Variants in GNA12 observed in about 807,000 individuals in gnomAD.
The protein encoded by GNA12 is guanine nucleotide-binding protein subunit alpha-12.
Under a neutral mutation model 26.0 loss-of-function variants are expected in GNA12, and 9 were observed. The ratio of observed to expected loss-of-function variants is 0.35; its 90% CI spans 0.21 to 0.60. The LOEUF (loss-of-function observed/expected upper bound fraction) is 0.60, where lower values mean the gene tolerates loss of function less well. GNA12 is among the 20% of genes least tolerant of loss of function. The probability of loss-of-function intolerance (pLI) is 0.78; values close to 1 mark genes in which losing one functional copy is unlikely to be tolerated. For missense variants in GNA12, 405 were observed against 525.8 expected, an observed-to-expected ratio of 0.77 and a Z score of 2.25; for synonymous variants, 264 against 219.6, an observed-to-expected ratio of 1.20 and a Z score of -1.79.
chr7:2,844,092 T>A lies in GNA12; in HGVS notation c.70A>T (p.Arg24Trp). 1 of 1,011,212 alleles carries A rather than the reference T, an allele frequency of 9.9e-7. No individual in the cohort carries two copies. Among genetic ancestry groups the A allele is most frequent in the African/African-American group, 1.8e-5 (1 of 56,620 alleles). The allele number at this position is 1,011,212 out of a possible 1,614,324, so 62.6% of individuals were successfully genotyped here. The stretch of plus-strand genomic sequence containing the variant: ...GCGTCGCGCGCGCCGCTGCCCGCCC[T>A]GCGCTCGCGGGCCCCGCCGGCCTCG... ...PAEAGGARERRAGSGARDAER... is the reference protein window; with the variant it reads ...PAEAGGARERWAGSGARDAER... Residue 24 changes from arginine to tryptophan, a missense_variant, in exon 1 of 4, where the codon AGG becomes TGG. Coordinates refer to ENST00000275364, the MANE Select transcript of GNA12 (RefSeq NM_007353.3).
intron 2 of GNA12, among the ~76,000 whole-genome samples, chr7:2,758,299 G>A (rs1239991115): frequency 2.0e-5 from 3 of 152,162 alleles, no homozygotes; most frequent in Admixed American, 2.0e-4. Context: ...ACAAGGCTCT[G>A]CAAACACTTA....
chr7:2,777,929 G>C lies in GNA12; in HGVS notation c.525+16999C>G, dbSNP rs144790361. Among the ~76,000 whole-genome samples, 1,059 of 152,316 alleles carry C rather than the reference G, an allele frequency of 7.0e-3. 35 individuals carry two copies. Among genetic ancestry groups the C allele is most frequent in the Admixed American group, 0.058 (895 of 15,302 alleles). On this transcript the variant is annotated intron_variant, in intron 2 of 3. Transcript: ENST00000275364. ...TTTAAAAAGATCAACTAAAACTTGT[G>C]AGGTGTCCCTGGTGATCCCAGCAAA...
At chr7:2,775,306 T>A (rs1038388247) in intron 2 of GNA12, 7 of 152,196 alleles carry the variant, frequency 4.6e-5, no homozygotes, top group African/African-American at 1.7e-4. Flanking sequence ...TAGGGTTAGA[T>A]ACGGTCATAT....
intron 2 of GNA12, among the ~76,000 whole-genome samples, chr7:2,794,529 C>T (rs1792602050): frequency 6.6e-6 from 1 of 152,112 alleles, no homozygotes; most frequent in Non-Finnish European, 1.5e-5. Context: ...GTTGGATTTG[C>T]TTCCGAGGCG....
chr7:2,798,480 G>A (rs1792732248), intron 1 of GNA12, among the ~76,000 whole-genome samples: 1 of 152,140 alleles, frequency 6.6e-6, no homozygotes, highest in African/African-American at 2.4e-5. Context: ...AATATGTGTA[G>A]GACTTATGTG....
intron 2 of GNA12, among the ~76,000 whole-genome samples, chr7:2,745,352 G>A (rs1014650636): frequency 3.3e-5 from 5 of 152,214 alleles, no homozygotes; most frequent in Admixed American, 2.6e-4. Flanking sequence ...AGAAGAGAGT[G>A]GGGGCCAATA....
At chr7:2,735,353 G>A (rs1037383514) in intron 2 of GNA12, among the ~76,000 whole-genome samples, 2 of 152,218 alleles carry the variant, frequency 1.3e-5, no homozygotes, top group Admixed American at 1.3e-4. Flanking sequence ...AGGAAGCAGA[G>A]GCAGTTCTCC....
Position 2,729,615 on chromosome 7 carries a change from TTTGC to T in GNA12, c.*1562_*1565del, listed in dbSNP as rs1789785821. The T allele has an allele frequency of 6.6e-6, 1 of 152,294 alleles. No individual in the cohort carries two copies. The highest frequency in any genetic ancestry group is 1.5e-5 in the Non-Finnish European group (1 of 68,040). 9.4% of individuals were successfully genotyped at this position (152,294 alleles called of 1,614,324 possible). On this transcript the variant is annotated 3_prime_UTR_variant, in exon 4 of 4. Coordinates refer to ENST00000275364, the MANE Select transcript of GNA12 (RefSeq NM_007353.3). The stretch of plus-strand genomic sequence containing the variant: ...GCCCCAAGGGCTTGCGTTTACCGGG[TTTGC>T]GGAAAACAAGCCAAGGGTGAGCTGC...
chr7:2,839,448 C>T (rs1428262917), intron 1 of GNA12, among the ~76,000 whole-genome samples: 3 of 152,238 alleles, frequency 2.0e-5, no homozygotes, highest in Non-Finnish European at 4.4e-5. Context: ...CAGTGGCGTG[C>T]TCTCTGTGCA....
At chr7:2,816,050 C>T (rs777969476) in intron 1 of GNA12, among the ~76,000 whole-genome samples, 2 of 152,240 alleles carry the variant, frequency 1.3e-5, no homozygotes, top group Admixed American at 6.5e-5. Flanking sequence ...CCCTGGCCGC[C>T]GCGCACGGAG....
Position 2,818,328 on chromosome 7 carries a change from C to T in GNA12, c.310-23185G>A, listed in dbSNP as rs528859768. Reference sequence around the variant, plus strand: ...AGCATCTCCAACCATCAGATGCCGGCGGCACCCATCAGTGTCACAACCAAA... The same window carrying T: ...AGCATCTCCAACCATCAGATGCCGGTGGCACCCATCAGTGTCACAACCAAA... On this transcript the variant is annotated intron_variant, in intron 1 of 3. Transcript: ENST00000275364. Among the ~76,000 whole-genome samples the T allele has an allele frequency of 1.7e-4, 26 of 152,314 alleles. No homozygotes were observed. The East Asian group carries it at 1.9e-3, about 11-fold the overall frequency.
intron 2 of GNA12, among the ~76,000 whole-genome samples, chr7:2,783,649 C>CATCTATTT (rs1554259965): frequency 2.1e-4 from 29 of 138,688 alleles, no homozygotes; most frequent in Non-Finnish European, 4.2e-4. Flanking sequence ...GGCTGTAACA[C>CATCTATTT]ATTTATTTAT....
intron 1 of GNA12, among the ~76,000 whole-genome samples, chr7:2,832,317 C>T (rs1052414378): frequency 6.6e-6 from 1 of 152,198 alleles, no homozygotes; most frequent in Non-Finnish European, 1.5e-5. Flanking sequence ...GTGTCTCCTC[C>T]ACTCACTACC....
At chr7:2,816,572 A>T (rs1033077763) in intron 1 of GNA12, among the ~76,000 whole-genome samples, 3 of 152,214 alleles carry the variant, frequency 2.0e-5, no homozygotes, top group African/African-American at 7.2e-5. Flanking sequence ...AAATAATGCC[A>T]TTTCCATAAA....
chr7:2,737,778 T>A (rs1380303417), intron 2 of GNA12, among the ~76,000 whole-genome samples: 2 of 152,234 alleles, frequency 1.3e-5, no homozygotes, highest in Admixed American at 6.5e-5. Context: ...AACAGCAAAC[T>A]ATGCCAAAGG....
At chr7:2,784,281 A>G (rs1792305768) in intron 2 of GNA12, among the ~76,000 whole-genome samples, 2 of 151,980 alleles carry the variant, frequency 1.3e-5, no homozygotes, top group Middle Eastern at 3.4e-3. Flanking sequence ...CCACACCTGG[A>G]TAATCTTTTT....
intron 1 of GNA12, among the ~76,000 whole-genome samples, chr7:2,808,165 A>G (rs937484148): frequency 3.9e-5 from 6 of 152,208 alleles, no homozygotes; most frequent in Non-Finnish European, 8.8e-5. Flanking sequence ...GCAAGTTTCA[A>G]TATCTCTTTC....
At chr7:2,842,869 G>C (rs1426561704) in intron 1 of GNA12, among the ~76,000 whole-genome samples, 1 of 152,202 alleles carries the variant, frequency 6.6e-6, no homozygotes, top group African/African-American at 2.4e-5. Flanking sequence ...ACACAAAGTT[G>C]GATTTGCTTG....
intron 1 of GNA12, among the ~76,000 whole-genome samples, chr7:2,842,923 T>C (rs1406890078): frequency 6.6e-6 from 1 of 152,198 alleles, no homozygotes; most frequent in Non-Finnish European, 1.5e-5. Flanking sequence ...GGCACAGAAT[T>C]GATGACTGCT....
Sources: gnomAD v4.1 joint callset for allele counts (sites outside exome capture counted in the v4.1 genomes callset) on GRCh38, gnomAD v4.1.1 for gene constraint, MANE v1.5 for transcripts, NCBI Gene and HGNC (gene_info 2026-07-23, HGNC 2026-07-21) for gene names.